Variants in FAM81A observed in about 807,000 individuals in gnomAD.
The protein encoded by FAM81A is family with sequence similarity 81 member A.
A neutral mutation model predicts 46.7 loss-of-function variants in FAM81A; 19 were observed. The observed-to-expected ratio is 0.41, with a 90% CI of 0.28 to 0.60. The LOEUF is 0.60. FAM81A is among the 20% of genes least tolerant of loss of function. FAM81A has a pLI of 0.34. For synonymous variants in FAM81A, 183 were observed against 152.9 expected (o/e 1.20, Z -1.45); for missense variants, 377 against 453.5 (o/e 0.83, Z 1.53).
chr15:59,489,147 C>T (rs112057626), intron 3 of FAM81A, among the ~76,000 whole-genome samples: 13,125 of 151,800 alleles, frequency 0.086, 703 homozygotes, highest in African/African-American at 0.15. Flanking sequence ...CGCCTGTAGT[C>T]CCAGCTACTC....
intron 1 of FAM81A, among the ~76,000 whole-genome samples, chr15:59,447,633 T>C (rs1302805289): frequency 7.2e-5 from 11 of 152,218 alleles, no homozygotes; most frequent in Admixed American, 7.2e-4. Flanking sequence ...TCAATCTAGA[T>C]ACATTGGCTT....
intron 8 of FAM81A, among the ~76,000 whole-genome samples, chr15:59,520,869 GC>G (rs1350513731): frequency 6.6e-6 from 1 of 152,082 alleles, no homozygotes; most frequent in Non-Finnish European, 1.5e-5. Flanking sequence ...AGGCCTGTTT[GC>G]TTCATCTTGA....
intron 3 of FAM81A, among the ~76,000 whole-genome samples, chr15:59,491,766 G>A (rs759637697): frequency 6.6e-6 from 1 of 152,190 alleles, no homozygotes; most frequent in Non-Finnish European, 1.5e-5. Context: ...CCAACATGGC[G>A]AAACCCCATC....
At chr15:59,511,484 G>A (rs1418640062) in intron 6 of FAM81A, among the ~76,000 whole-genome samples, 1 of 152,142 alleles carries the variant, frequency 6.6e-6, no homozygotes, top group Non-Finnish European at 1.5e-5. Flanking sequence ...AAGGATGTGG[G>A]GAACAGGACC....
intron 3 of FAM81A, among the ~76,000 whole-genome samples, chr15:59,477,231 A>G (rs1329161942): frequency 1.5e-4 from 23 of 152,206 alleles, no homozygotes; most frequent in Admixed American, 4.6e-4. Context: ...TTGTATTTCA[A>G]TGATGTAAAA....
In FAM81A at chr15:59,521,519, A is replaced by G. The variant is rs2082328294; in HGVS notation, c.*141A>G. 1.1e-6 allele frequency: 1 copy of G among 923,072 alleles called. No homozygotes were observed. Among genetic ancestry groups the G allele is most frequent in the East Asian group, 3.1e-5 (1 of 32,150 alleles). 57.2% of individuals were successfully genotyped at this position (923,072 alleles called of 1,614,324 possible). ...CCAAGAAATGTGTTTTTATGGGTCTAAATGTTTACCTTGAGTCTTGAAAAT... is the reference window on the plus strand; with the variant it reads ...CCAAGAAATGTGTTTTTATGGGTCTGAATGTTTACCTTGAGTCTTGAAAAT... On this transcript the variant is annotated 3_prime_UTR_variant, in exon 9 of 9. Transcript: ENST00000288228.
At chr15:59,425,230 G>C (rs1340437860) in intron 2 of FAM81A, among the ~76,000 whole-genome samples, 1 of 152,132 alleles carries the variant, frequency 6.6e-6, no homozygotes, top group African/African-American at 2.4e-5. Flanking sequence ...CTGTGCCTAT[G>C]ATAGTGCCTG....
intron 2 of FAM81A, among the ~76,000 whole-genome samples, chr15:59,432,998 T>C (rs1188828116): frequency 6.0e-5 from 9 of 149,176 alleles, no homozygotes; most frequent in Non-Finnish European, 1.2e-4. Flanking sequence ...AAAAATTAGC[T>C]GGGCATGGTG....
chr15:59,506,841 C>T (rs1436467231), intron 4 of FAM81A, among the ~76,000 whole-genome samples: 1 of 152,108 alleles, frequency 6.6e-6, no homozygotes, highest in South Asian at 2.1e-4. Context: ...TAGAAGTTTC[C>T]TCCCAAATCC....
intron 3 of FAM81A, among the ~76,000 whole-genome samples, chr15:59,482,007 T>G (rs1333881012): frequency 2.6e-5 from 4 of 152,244 alleles, no homozygotes; most frequent in Admixed American, 1.3e-4. Context: ...ATAGCAAAAT[T>G]GAGCAGAAAG....
At chr15:59,427,528 A>T (rs1451428396) in intron 2 of FAM81A, among the ~76,000 whole-genome samples, 3 of 152,038 alleles carry the variant, frequency 2.0e-5, no homozygotes, top group African/African-American at 7.3e-5. Flanking sequence ...AATACTCATT[A>T]ACCATCCACA....
Position 59,523,496 on chromosome 15 carries a change from C to G in FAM81A, c.*2118C>G, listed in dbSNP as rs2082347622. ...CCAAAGCTCAAATGAGAATCAGCTT[C>G]CATGTTCTTTCCTTTACCAGAAATT... On this transcript the variant is annotated 3_prime_UTR_variant, in exon 9 of 9. Transcript: ENST00000288228. The G allele has an allele frequency of 6.6e-6, 1 of 152,172 alleles. No homozygotes were observed. The highest frequency in any genetic ancestry group is 2.4e-5 in the African/African-American group (1 of 41,444). 9.4% of individuals were successfully genotyped at this position (152,172 alleles called of 1,614,324 possible).
At chr15:59,486,700 T>G (rs1189781333) in intron 3 of FAM81A, among the ~76,000 whole-genome samples, 1 of 152,026 alleles carries the variant, frequency 6.6e-6, no homozygotes, top group African/African-American at 2.4e-5. Context: ...CTCCAATAAG[T>G]TTGGCAACAG....
Position 59,398,759 on chromosome 15 carries a change from GAAAAAAAAAAAA to G in FAM81A, c.-160-3499_-160-3488del, listed in dbSNP as rs71119468. ...GGCAACAGAGTGAGACTCTGTCTCA[GAAAAAAAAAAAA>G]AAAAAAAAAAAAAAAAAGGAAATGA... On this transcript the variant is annotated intron_variant, in intron 1 of 4. Transcript: ENST00000558348. Among the ~76,000 whole-genome samples the G allele has an allele frequency of 1.5e-3, 61 of 41,422 alleles. No homozygotes were observed. In the South Asian group the frequency reaches 0.043, roughly 29 times the overall value. 27.2% of individuals were successfully genotyped at this position (41,422 alleles called of 152,430 possible). A position where few individuals can be genotyped will look rare whatever the true frequency, so the allele number is the denominator to read the frequency against.
At chr15:59,503,884 TG>T (rs1361207505) in intron 4 of FAM81A, among the ~76,000 whole-genome samples, 2 of 152,220 alleles carry the variant, frequency 1.3e-5, no homozygotes, top group East Asian at 3.8e-4. Context: ...TAGCCACTGT[TG>T]TATTAATAGA....
At chr15:59,477,709 G>T (rs1300103684) in intron 3 of FAM81A, among the ~76,000 whole-genome samples, 1 of 152,084 alleles carries the variant, frequency 6.6e-6, no homozygotes, top group African/African-American at 2.4e-5. Flanking sequence ...AAGAGCTCTG[G>T]GTCTCCTTGC....
At chr15:59,434,812 C>G (rs1164287770), upstream of FAM81A, among the ~76,000 whole-genome samples, 1 of 152,208 alleles carries the variant, frequency 6.6e-6, no homozygotes, top group African/African-American at 2.4e-5. Flanking sequence ...TCACCACAGC[C>G]TTGGCCCAAC....
chr15:59,519,326 T>A (rs1222168917), intron 8 of FAM81A, among the ~76,000 whole-genome samples: 2 of 151,866 alleles, frequency 1.3e-5, no homozygotes, highest in Non-Finnish European at 2.9e-5. Context: ...GTAGCTGGGA[T>A]TGTAGATGTG....
chr15:59,449,781 C>CA (rs71119473), intron 1 of FAM81A, among the ~76,000 whole-genome samples: 5 of 70,314 alleles, frequency 7.1e-5, no homozygotes, highest in African/African-American at 2.3e-4. Flanking sequence ...GACTCTGTCT[C>CA]AAAAAAAAAA....
Sources: gnomAD v4.1 joint callset for allele counts (sites outside exome capture counted in the v4.1 genomes callset) on GRCh38, gnomAD v4.1.1 for gene constraint, MANE v1.5 for transcripts, NCBI Gene and HGNC (gene_info 2026-07-23, HGNC 2026-07-21) for gene names.